Variants in GNAI1 observed in about 807,000 individuals in gnomAD.
GNAI1 encodes the protein guanine nucleotide-binding protein G(i) subunit alpha-1.
A neutral mutation model predicts 38.9 loss-of-function variants in GNAI1; 11 were observed. The ratio of observed to expected loss-of-function variants is 0.28; its 90% CI spans 0.18 to 0.47. GNAI1 has a LOEUF of 0.47. Ranked by LOEUF, GNAI1 falls within the 20% of genes least tolerant of loss-of-function variation. GNAI1 has a pLI of 0.99. For missense variants in GNAI1, 317 were observed against 436.9 expected (o/e 0.73, Z 2.45); for synonymous variants, 166 against 145.1 (o/e 1.14, Z -1.04).
intron 1 of GNAI1, chr7:80,135,922 G>A (rs1485634645): frequency 2.5e-5 from 25 of 985,330 alleles, no homozygotes; most frequent in Non-Finnish European, 2.9e-5. Flanking sequence ...GGGCATGGAA[G>A]CCACCCAAGT....
rs71076502 is a variant in GNAI1 at position 80,211,419 on chromosome 7, CTTTTT to C, written c.720+334_720+338del. Among the ~76,000 whole-genome samples, 14 of 138,820 alleles carry C rather than the reference CTTTTT, an allele frequency of 1.0e-4. No homozygotes were observed. In the East Asian group the frequency reaches 2.7e-3, roughly 27 times the overall value. The allele number at this position is 138,820 out of a possible 152,430, so 91.1% of individuals were successfully genotyped here. On this transcript the variant is annotated intron_variant, in intron 6 of 7. Transcript: ENST00000649796. ...TGTTACTTCTGTTAGTTTAGTAAATCTTTTTTTTTTTTTTTTTGAGACGGAGTCTC... is the reference window on the plus strand; with the variant it reads ...TGTTACTTCTGTTAGTTTAGTAAATCTTTTTTTTTTTTGAGACGGAGTCTC...
At chr7:80,178,062 A>T (rs1487342845) in intron 1 of GNAI1, among the ~76,000 whole-genome samples, 1 of 152,208 alleles carries the variant, frequency 6.6e-6, no homozygotes, top group Non-Finnish European at 1.5e-5. Flanking sequence ...ACCCTCATGA[A>T]TGACTTTGAG....
At position 80,223,128 on chromosome 7, in the gene GNAI1, A is replaced by G. The variant is rs1370641603; in HGVS notation, c.*5635A>G. Among the ~76,000 whole-genome samples, 6 of 152,204 alleles carry G rather than the reference A, an allele frequency of 3.9e-5. No homozygotes were observed. The highest frequency in any genetic ancestry group is 8.8e-5 in the Non-Finnish European group (6 of 68,050). On this transcript the variant is annotated 3_prime_UTR_variant, in exon 8 of 8. Transcript: ENST00000649796. Reference sequence around the variant, plus strand: ...AGTTTCGCACCAATGTAAAGTTGAAAAATTGTTAAGTTGGACCATCATACG... The same window carrying G: ...AGTTTCGCACCAATGTAAAGTTGAAGAATTGTTAAGTTGGACCATCATACG...
At chr7:80,194,324 C>G (rs1465063186) in intron 3 of GNAI1, among the ~76,000 whole-genome samples, 1 of 151,978 alleles carries the variant, frequency 6.6e-6, no homozygotes, top group Non-Finnish European at 1.5e-5. Flanking sequence ...CACTTGGAAT[C>G]TTGGTGTTTT....
At chr7:80,178,808 G>A (rs1018317365) in intron 1 of GNAI1, among the ~76,000 whole-genome samples, 1 of 152,068 alleles carries the variant, frequency 6.6e-6, no homozygotes, top group South Asian at 2.1e-4. Flanking sequence ...AGGTATACCT[G>A]TACAAAAATA....
intron 1 of GNAI1, among the ~76,000 whole-genome samples, chr7:80,172,515 A>G (rs947354591): frequency 6.6e-6 from 1 of 152,150 alleles, no homozygotes; most frequent in African/African-American, 2.4e-5. Context: ...ATATGCTTCT[A>G]TTCAGCAATC....
intron 1 of GNAI1, among the ~76,000 whole-genome samples, chr7:80,188,434 T>C (rs550847965): frequency 1.3e-5 from 2 of 152,362 alleles, no homozygotes; most frequent in African/African-American, 4.8e-5. Flanking sequence ...CATGTTTTTT[T>C]ATTTGAGTTG....
chr7:80,146,253 CTG>C (rs1281910493), intron 1 of GNAI1, among the ~76,000 whole-genome samples: 47 of 152,138 alleles, frequency 3.1e-4, no homozygotes, highest in Admixed American at 3.1e-3. Flanking sequence ...TTGCTCCTAA[CTG>C]AATGCCCTGT....
At chr7:80,154,367 A>C (rs1407195253) in intron 1 of GNAI1, among the ~76,000 whole-genome samples, 2 of 152,116 alleles carry the variant, frequency 1.3e-5, no homozygotes, top group African/African-American at 4.8e-5. Flanking sequence ...AATTTGGTGA[A>C]TTTTGTACTT....
Position 80,199,272 on chromosome 7 carries a change from C to T in GNAI1, c.351C>T (p.Gly117=). ...TGCTAGCTGGAGCTGCTGAAGAAGG[C>T]TTTATGACTGCAGAACTTGCTGGAG... ...LFVLAGAAEE[G]FMTAELAGVI... is the part of the protein sequence containing the mutation. Residue 117 remains glycine, a synonymous_variant, in exon 4 of 8, where the codon GGC becomes GGT. Coordinates refer to ENST00000649796, the MANE Select transcript of GNAI1 (RefSeq NM_002069.6). 1.9e-6 allele frequency: 3 copies of T among 1,613,274 alleles called. No individual in the cohort carries two copies. The highest frequency in any genetic ancestry group is 1.1e-5 in the South Asian group (1 of 90,962).
chr7:80,199,416 T>G (rs1788640645), intron 4 of GNAI1, 34 bp downstream of exon 4: 1 of 1,480,206 alleles, frequency 6.8e-7, no homozygotes, highest in East Asian at 2.3e-5. Context: ...TAAACTATCA[T>G]GAATAATTAC....
intron 1 of GNAI1, among the ~76,000 whole-genome samples, chr7:80,156,434 C>CTT (rs796237047): frequency 2.1e-5 from 3 of 144,650 alleles, no homozygotes; most frequent in African/African-American, 5.1e-5. Flanking sequence ...TAAAGGAAAG[C>CTT]TTTTTTTTTT....
chr7:80,186,006 A>G (rs1788380111), intron 1 of GNAI1, among the ~76,000 whole-genome samples: 2 of 149,690 alleles, frequency 1.3e-5, no homozygotes, highest in Admixed American at 6.7e-5. Context: ...CCAGTTAATA[A>G]GACTGCCATC....
chr7:80,166,409 A>G (rs888680968), intron 1 of GNAI1, among the ~76,000 whole-genome samples: 70 of 152,252 alleles, frequency 4.6e-4, no homozygotes, highest in African/African-American at 1.2e-3. Flanking sequence ...GGGGGTTACT[A>G]TTTCTTTAGA....
Position 80,200,324 on chromosome 7 carries a change from C to CAA in GNAI1, c.461+964_461+965dup, listed in dbSNP as rs59511755. Among the ~76,000 whole-genome samples, 245 of 40,362 alleles carry CAA rather than the reference C, an allele frequency of 6.1e-3. 25 individuals carry two copies. Among genetic ancestry groups the CAA allele is most frequent in the African/African-American group, 0.014 (87 of 6,036 alleles). The allele number at this position is 40,362 out of a possible 152,430, so 26.5% of individuals were successfully genotyped here. A position where few individuals can be genotyped will look rare whatever the true frequency, so the allele number is the denominator to read the frequency against. On this transcript the variant is annotated intron_variant, in intron 4 of 7. Coordinates refer to ENST00000649796, the MANE Select transcript of GNAI1 (RefSeq NM_002069.6). The stretch of plus-strand genomic sequence containing the variant: ...CTGGAGATGGAGTGAGGCCATGTCT[C>CAA]AAAAAAAAAAAAAAAAAAAAAAACC...
chr7:80,217,766 A>T lies in GNAI1; in HGVS notation c.*273A>T, dbSNP rs545888610. ...TTTCTGCATAAGTGTAAATATGCAAATGTATGTATACATGTATTTATGACT... is the reference window on the plus strand; with the variant it reads ...TTTCTGCATAAGTGTAAATATGCAATTGTATGTATACATGTATTTATGACT... On this transcript the variant is annotated 3_prime_UTR_variant, in exon 8 of 8. Coordinates refer to ENST00000649796, the MANE Select transcript of GNAI1 (RefSeq NM_002069.6). The T allele has an allele frequency of 1.5e-4, 34 of 227,108 alleles. No individual in the cohort carries two copies. In the South Asian group the frequency reaches 5.7e-3, roughly 38 times the overall value. The allele number at this position is 227,108 out of a possible 1,614,324, so 14.1% of individuals were successfully genotyped here.
At chr7:80,135,699 C>A (rs2116054283) in intron 1 of GNAI1, 1 of 269,456 alleles carries the variant, frequency 3.7e-6, no homozygotes, top group Non-Finnish European at 5.1e-6. Context: ...TCTTCGTGTG[C>A]GGTGTAGGTT....
chr7:80,214,952 A>C (rs1404044661), intron 7 of GNAI1, among the ~76,000 whole-genome samples: 8 of 152,034 alleles, frequency 5.3e-5, no homozygotes, highest in Non-Finnish European at 1.2e-4. Flanking sequence ...TTGAACATAC[A>C]TGTTTTGTTG....
At chr7:80,211,142 C>T in intron 6 of GNAI1, 44 bp downstream of exon 6, 2 of 1,567,464 alleles carry the variant, frequency 1.3e-6, no homozygotes, top group Non-Finnish European at 1.7e-6. Context: ...ACATGAAGAG[C>T]TGAAGGTGTT....
Sources: allele counts gnomAD v4.1 joint callset (sites outside exome capture counted in the v4.1 genomes callset), GRCh38; gene constraint gnomAD v4.1.1; transcripts MANE v1.5; gene names NCBI Gene and HGNC (gene_info 2026-07-23, HGNC 2026-07-21).